Variants in INF2 observed in about 807,000 individuals in gnomAD.
INF2 encodes inverted formin-2.
Under a neutral mutation model 123.5 loss-of-function variants are expected in INF2, and 43 were observed. The observed-to-expected ratio is 0.35, with a 90% CI of 0.27 to 0.45. INF2 has a LOEUF of 0.45. INF2 is among the 20% of genes least tolerant of loss of function. The probability of loss-of-function intolerance (pLI) is 1.00; values close to 1 mark genes in which losing one functional copy is unlikely to be tolerated. For missense variants in INF2, 1,453 were observed against 1,682.7 expected (o/e 0.86, Z 2.39); for synonymous variants, 851 against 745.0 (o/e 1.14, Z -2.32).
intron 1 of INF2, among the ~76,000 whole-genome samples, chr14:104,696,424 C>T (rs902622898): frequency 1.3e-5 from 2 of 152,262 alleles, no homozygotes; most frequent in Non-Finnish European, 2.9e-5. Flanking sequence ...CCCCCATCCT[C>T]ACCTGCCTTG....
intron 1 of INF2, among the ~76,000 whole-genome samples, chr14:104,696,792 T>G (rs939266990): frequency 1.3e-5 from 2 of 152,092 alleles, no homozygotes; most frequent in Non-Finnish European, 2.9e-5. Context: ...AATCCTCTCC[T>G]GCCGTTCTGC....
chr14:104,714,793 C>A lies in INF2; in HGVS notation c.3631C>A (p.Arg1211=). The A allele has an allele frequency of 6.3e-7, 1 of 1,596,392 alleles. No individual in the cohort carries two copies. Among genetic ancestry groups the A allele is most frequent in the Non-Finnish European group, 8.5e-7 (1 of 1,173,650 alleles). ...GGGGTCGGGCACACTCCCCAGGGCCCGGGGCCGGGCCTCAAAGGGGACCGG... is the reference window on the plus strand; with the variant it reads ...GGGGTCGGGCACACTCCCCAGGGCCAGGGGCCGGGCCTCAAAGGGGACCGG... The part of the protein sequence containing the change: ...SSGSGTLPRA[R]GRASKGTGKR... Residue 1211 remains arginine (R), a synonymous_variant, in exon 21 of 23, where the codon CGG becomes AGG. Coordinates refer to ENST00000392634, the MANE Select transcript of INF2 (RefSeq NM_022489.4).
intron 11 of INF2, 26 bp from the exon 12 acceptor site, chr14:104,709,594 C>A: frequency 7.5e-6 from 12 of 1,601,622 alleles, no homozygotes; most frequent in Non-Finnish European, 1.0e-5. Context: ...ATGGGGGGAT[C>A]CCACATGCCG....
chr14:104,716,375 G>C lies in INF2; in HGVS notation c.*1+1035G>C, dbSNP rs190466442. 1.5e-3 allele frequency among the ~76,000 whole-genome samples: 221 copies of C among 152,322 alleles called. 1 individual carries two copies. The highest frequency in any genetic ancestry group is 2.2e-3 in the Non-Finnish European group (151 of 68,028). The stretch of plus-strand genomic sequence containing the variant: ...CCTGGGTTCCAGCTTTTGCTTCCAG[G>C]GTCATCTTCCGAGTGTGGCTCTCTG... On this transcript the variant is annotated intron_variant, in intron 22 of 22. Coordinates refer to ENST00000392634, the MANE Select transcript of INF2 (RefSeq NM_022489.4).
intron 1 of INF2, among the ~76,000 whole-genome samples, chr14:104,683,452 C>T (rs540096632): frequency 1.3e-4 from 16 of 119,466 alleles, no homozygotes; most frequent in South Asian, 5.5e-4. Flanking sequence ...GCCCTGGAGC[C>T]GTGGGGCAGG....
At chr14:104,706,657 T>G (rs1889793392) in intron 6 of INF2, among the ~76,000 whole-genome samples, 1 of 152,098 alleles carries the variant, frequency 6.6e-6, no homozygotes. Flanking sequence ...TGAAGACATT[T>G]TTGGCTGCCA....
chr14:104,717,161 C>T (rs1890333958), intron 22 of INF2, among the ~76,000 whole-genome samples: 1 of 152,242 alleles, frequency 6.6e-6, no homozygotes, highest in East Asian at 1.9e-4. Flanking sequence ...TTATAAACAT[C>T]ATGGCACTGG....
At position 104,708,546 on chromosome 14, in the gene INF2, CCCA is replaced by C; in HGVS notation, c.1850_1852del (p.Thr617del). Reference sequence around the variant, plus strand: ...CTTCCCTGCAGCCAAGCCCAAGGAGCCCACCATGGTGGCCCCCCGGGCCAGGAA... The same window carrying C: ...CTTCCCTGCAGCCAAGCCCAAGGAGCCCATGGTGGCCCCCCGGGCCAGGAA... On this transcript the variant is annotated inframe_deletion, in exon 9 of 23. Coordinates refer to ENST00000392634, the MANE Select transcript of INF2 (RefSeq NM_022489.4). The C allele has an allele frequency of 6.2e-7, 1 of 1,612,304 alleles. No individual in the cohort carries two copies. The highest frequency in any genetic ancestry group is 8.5e-7 in the Non-Finnish European group (1 of 1,179,754).
Position 104,703,408 on chromosome 14 carries a change from C to T in INF2, c.621C>T (p.Gly207=), listed in dbSNP as rs1317477674. 2 of 1,612,760 alleles carry T rather than the reference C, an allele frequency of 1.2e-6. No individual in the cohort carries two copies. Among genetic ancestry groups the T allele is most frequent in the Non-Finnish European group, 1.7e-6 (2 of 1,179,948 alleles). The part of the protein sequence containing the change: ...LLSVINAVIL[G]PEDLRARTQL... ...GCGTGATCAACGCCGTCATCTTGGG[C>T]CCCGAGGACCTGCGCGCGCGCACCC... Residue 207 remains glycine, a synonymous_variant, in exon 4 of 23, where the codon GGC becomes GGT. Transcript: ENST00000392634.
chr14:104,713,690 TG>T, intron 20 of INF2, 84 bp downstream of exon 20: 1 of 1,465,962 alleles, frequency 6.8e-7, no homozygotes, highest in Non-Finnish European at 9.3e-7. Flanking sequence ...CTGACTTCAC[TG>T]GAAAGCCCTC....
rs4983534 is a variant in INF2 at position 104,712,141 on chromosome 14, T to C, written c.2490-292T>C. The stretch of plus-strand genomic sequence containing the variant: ...ACAGTCCGGGCCCCTAGCACGGAGT[T>C]CTTCCCGGGCTCCACCTGCCCTGGA... On this transcript the variant is annotated intron_variant, in intron 16 of 22. Transcript: ENST00000392634. Among the ~76,000 whole-genome samples the C allele has an allele frequency of 0.76, 116,256 of 152,002 alleles. 44,583 individuals are homozygous for C. The highest frequency in any genetic ancestry group is 0.93 in the East Asian group (4,774 of 5,136).
At chr14:104,694,497 G>A (rs935014253) in intron 1 of INF2, among the ~76,000 whole-genome samples, 10 of 152,366 alleles carry the variant, frequency 6.6e-5, no homozygotes, top group Middle Eastern at 3.4e-3. Context: ...TGAGTGGGAA[G>A]GCGGGCGGTC....
At position 104,714,448 on chromosome 14, in the gene INF2, C is replaced by T. The variant is rs34251364; in HGVS notation, c.3286C>T (p.Pro1096Ser). 120,986 of 1,611,110 alleles carry T rather than the reference C, an allele frequency of 0.075. 5,136 individuals carry two copies. The highest frequency in any genetic ancestry group is 0.11 in the Middle Eastern group (695 of 6,060). Residue 1096 changes from proline to serine, a missense_variant, in exon 21 of 23, where the codon CCC (proline) becomes TCC (serine). Physicochemically the swap from Pro to Ser is moderately conservative, Grantham distance 74. This residue lies in a region of INF2 where 344 missense variants were observed against 333.1 expected (regional missense o/e 1.03). Coordinates refer to ENST00000392634, the MANE Select transcript of INF2 (RefSeq NM_022489.4). ...LTTEDPQCPQ[P>S]LEGAWPVTLG... ...CACTGAGGATCCCCAGTGCCCCCAG[C>T]CCTTGGAGGGGGCCTGGCCGGTGAC...
Position 104,689,724 on chromosome 14 carries a change from G to A in INF2, c.-25G>A. ...GCGCCGGCCGCACCACCGCCCTCTGGCCGTTGCCTCACCGGGTAAGTCCTT... is the reference window on the plus strand; with the variant it reads ...GCGCCGGCCGCACCACCGCCCTCTGACCGTTGCCTCACCGGGTAAGTCCTT... On this transcript the variant is annotated 5_prime_UTR_variant, in exon 1 of 23. Coordinates refer to ENST00000392634, the MANE Select transcript of INF2 (RefSeq NM_022489.4). 1.0e-6 allele frequency: 1 copy of A among 985,088 alleles called. No individual in the cohort carries two copies. The highest frequency in any genetic ancestry group is 1.2e-6 in the Non-Finnish European group (1 of 829,852). The allele number at this position is 985,088 out of a possible 1,614,324, so 61.0% of individuals were successfully genotyped here. A position where few individuals can be genotyped will look rare whatever the true frequency, so the allele number is the denominator to read the frequency against.
In INF2 at chr14:104,714,383, G is replaced by A. The variant is rs201445955; in HGVS notation, c.3221G>A (p.Arg1074Lys). The A allele has an allele frequency of 5.0e-4, 801 of 1,600,646 alleles. No homozygotes were observed. Among genetic ancestry groups the A allele is most frequent in the Non-Finnish European group, 6.2e-4 (730 of 1,174,226 alleles). ...GAGGGTGGTCCACGGCCCCTGGAGAGGCGTTCTTCCTGGTATGTGGATGCC... is the reference window on the plus strand; with the variant it reads ...GAGGGTGGTCCACGGCCCCTGGAGAAGCGTTCTTCCTGGTATGTGGATGCC... ...LEEGGPRPLE[R>K]RSSWYVDASD... The change falls in exon 21 of 23, where the codon AGG (arginine) becomes AAG (lysine). Residue 1074 changes from arginine (R) to lysine (K), a missense_variant. This residue lies in a region of INF2 where 344 missense variants were observed against 333.1 expected (regional missense o/e 1.03). Coordinates refer to ENST00000392634, the MANE Select transcript of INF2 (RefSeq NM_022489.4).
At position 104,701,461 on chromosome 14, in the gene INF2, C is replaced by A. The variant is rs1354243591; in HGVS notation, c.96C>A (p.Ser32Arg). 6.3e-7 allele frequency: 1 copy of A among 1,599,036 alleles called. No homozygotes were observed. Among genetic ancestry groups the A allele is most frequent in the Non-Finnish European group, 8.5e-7 (1 of 1,173,112 alleles). ...DSDPTEANLESADPELCIRLL... is the reference protein window; with the variant it reads ...DSDPTEANLERADPELCIRLL... ...ACCCCACGGAGGCCAACCTGGAGAG[C>A]GCGGACCCCGAGCTGTGCATCCGGC... Residue 32 changes from serine to arginine, a missense_variant, in exon 2 of 23, where the codon AGC becomes AGA. Transcript: ENST00000392634.
At chr14:104,717,963 G>A (rs957072144) in intron 22 of INF2, among the ~76,000 whole-genome samples, 6 of 152,174 alleles carry the variant, frequency 3.9e-5, no homozygotes, top group Non-Finnish European at 7.3e-5. Flanking sequence ...GGGGACCAGC[G>A]GGGGCCCTGA....
chr14:104,701,537 G>C lies in INF2; in HGVS notation c.172G>C (p.Glu58Gln). The C allele has an allele frequency of 6.2e-7, 1 of 1,608,730 alleles. No individual in the cohort carries two copies. Among genetic ancestry groups the C allele is most frequent in the South Asian group, 1.1e-5 (1 of 90,206 alleles). ...CTACTCCGGCCTGCGCAAGCGCCTG[G>C]AGGGCAGCGACGGCGGCTGGATGGT... ...VNYSGLRKRL[E>Q]GSDGGWMVQF... is the part of the protein sequence containing the mutation. The change falls in exon 2 of 23, where the codon GAG (glutamate) becomes CAG (glutamine). Residue 58 changes from glutamate to glutamine, a missense_variant. Around this residue, in one of 8 missense-constraint regions of INF2, gnomAD observed 251 missense variants for 349.4 expected, o/e 0.72. Coordinates refer to ENST00000392634, the MANE Select transcript of INF2 (RefSeq NM_022489.4).
intron 22 of INF2, 81 bp from the exon 23 acceptor site, chr14:104,718,714 C>A: frequency 1.3e-6 from 2 of 1,576,222 alleles, no homozygotes; most frequent in South Asian, 1.2e-5. Context: ...GGTTCAGGGA[C>A]CTGGGCACCC....
Sources: allele counts gnomAD v4.1 joint callset (sites outside exome capture counted in the v4.1 genomes callset), GRCh38; gene constraint gnomAD v4.1.1; regional missense constraint gnomAD v4.1.1; transcripts MANE v1.5; gene names NCBI Gene and HGNC (gene_info 2026-07-23, HGNC 2026-07-21).